Variants in ADK observed in about 807,000 individuals in gnomAD.
The protein encoded by ADK is N6,N6-dimethyladenosine kinase.
ADK carries 24 observed loss-of-function variants against 44.7 expected under a neutral mutation model. That is an observed-to-expected ratio of 0.54 (90% confidence interval 0.39 to 0.76). The LOEUF (loss-of-function observed/expected upper bound fraction) is 0.76, where lower values mean the gene tolerates loss of function less well. ADK is among the 30% of genes least tolerant of loss of function. ADK has a pLI of 0.00. For missense variants in ADK, 321 were observed against 425.1 expected (o/e 0.76, Z 2.15); for synonymous variants, 128 against 142.6 (o/e 0.90, Z 0.73).
At chr10:74,157,157 C>G (rs890009234) in intron 1 of ADK, among the ~76,000 whole-genome samples, 1 of 152,166 alleles carries the variant, frequency 6.6e-6, no homozygotes, top group Non-Finnish European at 1.5e-5. Context: ...GGTTTCCCCA[C>G]TATCAGCTAG....
At chr10:74,247,094 T>A (rs904742561) in intron 3 of ADK, among the ~76,000 whole-genome samples, 19 of 151,900 alleles carry the variant, frequency 1.3e-4, no homozygotes, top group Admixed American at 7.2e-4. Context: ...TAATTCTTTA[T>A]CCTCATTTCA....
chr10:74,379,881 G>A (rs1009755951), intron 4 of ADK, among the ~76,000 whole-genome samples: 1 of 152,026 alleles, frequency 6.6e-6, no homozygotes, highest in Admixed American at 6.6e-5. Flanking sequence ...AGAATTAGCT[G>A]GGTTTGATGG....
chr10:74,473,746 C>G (rs1846699266), intron 6 of ADK, among the ~76,000 whole-genome samples: 3 of 152,126 alleles, frequency 2.0e-5, no homozygotes, highest in South Asian at 2.1e-4. Flanking sequence ...AAGGTGGTGT[C>G]CATTGGGTTT....
chr10:74,595,386 TTTTTTTGGG>T (rs1163127037), intron 8 of ADK, among the ~76,000 whole-genome samples: 2 of 7,056 alleles, frequency 2.8e-4, no homozygotes, highest in African/African-American at 5.6e-4. Context: ...TTTTTTTTTT[TTTTTTTGGG>T]GAGGGGGTTT....
intron 9 of ADK, among the ~76,000 whole-genome samples, chr10:74,652,406 A>G (rs568515102): frequency 1.3e-5 from 2 of 152,234 alleles, no homozygotes; most frequent in East Asian, 3.9e-4. Context: ...CTACAGAACT[A>G]TCAACATAAC....
At chr10:74,634,004 C>T (rs1853531588) in intron 9 of ADK, among the ~76,000 whole-genome samples, 1 of 152,140 alleles carries the variant, frequency 6.6e-6, no homozygotes, top group Non-Finnish European at 1.5e-5. Flanking sequence ...CTGGATGACC[C>T]CTCAATTACG....
At chr10:74,645,017 C>T (rs1372946444) in intron 9 of ADK, among the ~76,000 whole-genome samples, 1 of 152,094 alleles carries the variant, frequency 6.6e-6, no homozygotes, top group Non-Finnish European at 1.5e-5. Flanking sequence ...CAGAGCAGCC[C>T]ACTGTGTTTC....
chr10:74,685,073 A>T (rs927958711), intron 10 of ADK, among the ~76,000 whole-genome samples: 4 of 152,196 alleles, frequency 2.6e-5, no homozygotes, highest in African/African-American at 9.7e-5. Flanking sequence ...TGTGAACACT[A>T]CCTGACCTCT....
chr10:74,274,749 C>CATATATATAT, intron 3 of ADK, among the ~76,000 whole-genome samples: 1 of 105,366 alleles, frequency 9.5e-6, no homozygotes, highest in South Asian at 2.8e-4. Flanking sequence ...TATATATATA[C>CATATATATAT]ACACACACAT....
At chr10:74,594,950 T>G (rs1419515201) in intron 8 of ADK, among the ~76,000 whole-genome samples, 9 of 151,866 alleles carry the variant, frequency 5.9e-5, no homozygotes, top group African/African-American at 1.5e-4. Flanking sequence ...CCAAGGTGGG[T>G]GGATCACCTG....
At chr10:74,657,869 AAG>A (rs1282354847) in intron 9 of ADK, among the ~76,000 whole-genome samples, 1 of 152,214 alleles carries the variant, frequency 6.6e-6, no homozygotes, top group Non-Finnish European at 1.5e-5. Flanking sequence ...GATGGCATAA[AAG>A]AGAATAATCA....
chr10:74,511,077 A>G (rs954597808), intron 6 of ADK, among the ~76,000 whole-genome samples: 1 of 152,192 alleles, frequency 6.6e-6, no homozygotes, highest in African/African-American at 2.4e-5. Context: ...TCTTCTGCAT[A>G]TGGCTATCCA....
At chr10:74,703,822 A>T (rs1856512990) in intron 10 of ADK, among the ~76,000 whole-genome samples, 1 of 152,208 alleles carries the variant, frequency 6.6e-6, no homozygotes, top group Non-Finnish European at 1.5e-5. Flanking sequence ...AAGACATTGT[A>T]AATGTAACTT....
chr10:74,300,259 T>TTTCCTTCCTTCC (rs1158122190), intron 3 of ADK, among the ~76,000 whole-genome samples: 1 of 60,908 alleles, frequency 1.6e-5, no homozygotes, highest in African/African-American at 4.9e-5. Flanking sequence ...TCTCTCCTTG[T>TTTCCTTCCTTCC]TTCCTTCCTT....
At chr10:74,493,035 T>C (rs1455560209) in intron 6 of ADK, among the ~76,000 whole-genome samples, 1 of 152,202 alleles carries the variant, frequency 6.6e-6, no homozygotes. Context: ...AAATAATGAT[T>C]TGTTTTTCAT....
chr10:74,575,959 C>T (rs1266066634), intron 7 of ADK, among the ~76,000 whole-genome samples: 2 of 151,810 alleles, frequency 1.3e-5, no homozygotes, highest in African/African-American at 2.4e-5. Context: ...AGGATTTATG[C>T]ATATAAAATG....
intron 6 of ADK, among the ~76,000 whole-genome samples, chr10:74,497,105 A>G (rs1009977240): frequency 6.6e-6 from 1 of 152,062 alleles, no homozygotes; most frequent in African/African-American, 2.4e-5. Flanking sequence ...TACGGGCGCC[A>G]CCTTGCCTAG....
intron 7 of ADK, among the ~76,000 whole-genome samples, chr10:74,576,392 C>A (rs183515222): frequency 6.6e-6 from 1 of 151,770 alleles, no homozygotes. Context: ...AATATTTAAC[C>A]ACAAAATGAA....
chr10:74,471,054 A>G (rs893294108), intron 6 of ADK, among the ~76,000 whole-genome samples: 2 of 149,326 alleles, frequency 1.3e-5, no homozygotes. Context: ...TCCTGTATGC[A>G]TTATCAGTAC....
Sources: gnomAD v4.1 joint callset for allele counts (sites outside exome capture counted in the v4.1 genomes callset) on GRCh38, gnomAD v4.1.1 for gene constraint, MANE v1.5 for transcripts, NCBI Gene and HGNC (gene_info 2026-07-23, HGNC 2026-07-21) for gene names.